BNC2: variants seen among roughly 807,000 people sequenced by gnomAD.
BNC2 encodes basonuclin zinc finger protein 2, also known as zinc finger protein basonuclin-2.
Under a neutral mutation model 76.3 loss-of-function variants are expected in BNC2, and 20 were observed. That is an observed-to-expected ratio of 0.26 (90% CI 0.18 to 0.38). BNC2 has a LOEUF of 0.38. BNC2 is among the 10% of genes least tolerant of loss of function. The pLI, the probability that BNC2 is intolerant of heterozygous loss-of-function variation, is 1.00. For synonymous variants in BNC2, 582 were observed against 514.8 expected (o/e 1.13, Z -1.77); for missense variants, 1,382 against 1,399.8 (o/e 0.99, Z 0.20).
intron 1 of BNC2, among the ~76,000 whole-genome samples, chr9:16,770,380 T>A (rs1384922123): frequency 2.6e-5 from 4 of 152,186 alleles, no homozygotes; most frequent in Non-Finnish European, 5.9e-5. Context: ...AGATACTTCT[T>A]AAATAATTCA....
chr9:16,450,039 T>G (rs1821309072), intron 5 of BNC2, among the ~76,000 whole-genome samples: 2 of 152,162 alleles, frequency 1.3e-5, no homozygotes, highest in South Asian at 4.1e-4. Flanking sequence ...AGTCCAGACA[T>G]AAAACACAGA....
chr9:16,807,784 C>A (rs961321675), intron 1 of BNC2, among the ~76,000 whole-genome samples: 1 of 152,178 alleles, frequency 6.6e-6, no homozygotes, highest in Non-Finnish European at 1.5e-5. Flanking sequence ...AAAGTGATTT[C>A]TGACACCTGA....
intron 3 of BNC2, among the ~76,000 whole-genome samples, chr9:16,718,733 C>G (rs1371967879): frequency 3.9e-5 from 6 of 152,170 alleles, no homozygotes; most frequent in African/African-American, 1.4e-4. Context: ...GGAATAATTA[C>G]AACAAGATTC....
chr9:16,535,673 A>G (rs1818109528), intron 5 of BNC2, among the ~76,000 whole-genome samples: 1 of 152,106 alleles, frequency 6.6e-6, no homozygotes. Flanking sequence ...TTCCTAAGAC[A>G]CTAAATCAGG....
chr9:16,473,647 TG>T (rs1233016600), intron 5 of BNC2, among the ~76,000 whole-genome samples: 1 of 151,660 alleles, frequency 6.6e-6, no homozygotes, highest in African/African-American at 2.4e-5. Flanking sequence ...CTGAGGCAGG[TG>T]GATCACCTGA....
At chr9:16,588,929 C>A (rs1025030896) in intron 3 of BNC2, among the ~76,000 whole-genome samples, 3 of 152,164 alleles carry the variant, frequency 2.0e-5, no homozygotes, top group Non-Finnish European at 4.4e-5. Flanking sequence ...TGATAAAACT[C>A]CTATTAGCAG....
At chr9:16,841,897 C>A (rs1818838633) in intron 1 of BNC2, among the ~76,000 whole-genome samples, 1 of 151,924 alleles carries the variant, frequency 6.6e-6, no homozygotes, top group Admixed American at 6.6e-5. Flanking sequence ...GCAACCTCCA[C>A]CTCCCGAGTT....
At chr9:16,507,932 C>T (rs1052417295) in intron 5 of BNC2, among the ~76,000 whole-genome samples, 1 of 152,148 alleles carries the variant, frequency 6.6e-6, no homozygotes, top group African/African-American at 2.4e-5. Flanking sequence ...ACATAACAAT[C>T]GTTCATTATT....
chr9:16,650,351 A>C (rs1382902761), intron 3 of BNC2, among the ~76,000 whole-genome samples: 3 of 152,184 alleles, frequency 2.0e-5, no homozygotes, highest in African/African-American at 7.2e-5. Flanking sequence ...ACTGAGCTCA[A>C]CTGGTTAGGG....
intron 5 of BNC2, among the ~76,000 whole-genome samples, chr9:16,542,476 T>C (rs1009173970): frequency 3.3e-5 from 5 of 152,178 alleles, no homozygotes; most frequent in African/African-American, 1.2e-4. Context: ...ACTTCCTAGA[T>C]ACCAACAGGA....
intron 3 of BNC2, among the ~76,000 whole-genome samples, chr9:16,692,227 T>C (rs962454998): frequency 6.6e-6 from 1 of 152,206 alleles, no homozygotes; most frequent in African/African-American, 2.4e-5. Context: ...TATGGGCAAA[T>C]ACATTGTCAA....
chr9:16,798,982 G>C (rs540926221), intron 1 of BNC2, among the ~76,000 whole-genome samples: 1 of 152,098 alleles, frequency 6.6e-6, no homozygotes, highest in Non-Finnish European at 1.5e-5. Context: ...AAATGTCAGG[G>C]GGCTCTGAGA....
At chr9:16,814,888 T>G (rs1818143803) in intron 1 of BNC2, among the ~76,000 whole-genome samples, 1 of 152,092 alleles carries the variant, frequency 6.6e-6, no homozygotes, top group Non-Finnish European at 1.5e-5. Context: ...TCTAAGACAC[T>G]CAAGAGAGAT....
intron 5 of BNC2, among the ~76,000 whole-genome samples, chr9:16,457,527 G>A (rs1821479847): frequency 6.6e-6 from 1 of 152,148 alleles, no homozygotes. Flanking sequence ...GAGTCACATA[G>A]GATGCATGTA....
intron 3 of BNC2, among the ~76,000 whole-genome samples, chr9:16,701,154 T>C (rs1184786182): frequency 6.6e-6 from 1 of 152,184 alleles, no homozygotes; most frequent in African/African-American, 2.4e-5. Flanking sequence ...GATGGGACTG[T>C]GGCTCTATCT....
chr9:16,641,431 C>T (rs1285758864), intron 3 of BNC2, among the ~76,000 whole-genome samples: 7 of 152,166 alleles, frequency 4.6e-5, no homozygotes, highest in Non-Finnish European at 4.4e-5. Flanking sequence ...TTTGCTGAGG[C>T]ACTTTCTCAG....
Position 16,570,575 on chromosome 9 carries a change from G to A in BNC2, c.433+12408C>T, listed in dbSNP as rs150009678. Among the ~76,000 whole-genome samples the A allele has an allele frequency of 5.3e-5, 8 of 152,224 alleles. No individual in the cohort carries two copies. In the East Asian group the frequency reaches 9.7e-4, roughly 18 times the overall value. On this transcript the variant is annotated intron_variant, in intron 4 of 6. Transcript: ENST00000380672. The stretch of plus-strand genomic sequence containing the variant: ...ATGTAAAGATTTCCTCATAAAAACG[G>A]GTTAAGAGGGCAGTCCTAGGGCTTA...
chr9:16,585,930 A>G (rs1299379264), intron 3 of BNC2, among the ~76,000 whole-genome samples: 1 of 152,118 alleles, frequency 6.6e-6, no homozygotes, highest in Non-Finnish European at 1.5e-5. Context: ...TTGAAAATGC[A>G]GGTATGCAGA....
intron 3 of BNC2, among the ~76,000 whole-genome samples, chr9:16,605,402 A>G (rs891043016): frequency 2.6e-5 from 4 of 152,166 alleles, no homozygotes; most frequent in African/African-American, 9.7e-5. Flanking sequence ...CATTATCTCA[A>G]TTTTACAGGT....
Sources: allele counts gnomAD v4.1 joint callset (sites outside exome capture counted in the v4.1 genomes callset), GRCh38; gene constraint gnomAD v4.1.1; transcripts MANE v1.5; gene names NCBI Gene and HGNC (gene_info 2026-07-23, HGNC 2026-07-21).